Variants in ZDHHC4 observed in about 807,000 individuals in gnomAD.
ZDHHC4 encodes the protein palmitoyltransferase ZDHHC4.
ZDHHC4 carries 42 observed loss-of-function variants against 36.7 expected under a neutral mutation model. That is an observed-to-expected ratio of 1.14 (90% CI 0.89 to 1.48). The LOEUF is 1.48. Ranked by LOEUF, ZDHHC4 falls within the 40% of genes most tolerant of loss-of-function variation. The probability of loss-of-function intolerance (pLI) is 0.00; values close to 1 mark genes in which losing one functional copy is unlikely to be tolerated. For synonymous variants in ZDHHC4, 189 were observed against 166.6 expected (o/e 1.13, Z -1.03); for missense variants, 457 against 421.5 (o/e 1.08, Z -0.74).
At chr7:6,588,101 GT>G (rs1259199976) in intron 7 of ZDHHC4, among the ~76,000 whole-genome samples, 1 of 152,170 alleles carries the variant, frequency 6.6e-6, no homozygotes, top group East Asian at 1.9e-4. Flanking sequence ...CTGACCTCAA[GT>G]GATCTGCCCG....
In ZDHHC4 at chr7:6,585,028, G is replaced by A; in HGVS notation, c.509G>A (p.Trp170Ter). Reference sequence around the variant, plus strand: ...TGTTTCTGTGCAGGTGTGTGTAACTGGTGTGTGCACCGTTTCGACCATCAC... The same window carrying A: ...TGTTTCTGTGCAGGTGTGTGTAACTAGTGTGTGCACCGTTTCGACCATCAC... Reference protein sequence around the residue: ...ARSKHCSVCNWCVHRFDHHCV... With the variant: ...ARSKHCSVCN The change falls in exon 7 of 8, where the codon TGG becomes TAG. Residue 170 changes from tryptophan (W) to a stop codon, truncating the protein, a stop_gained. Transcript: ENST00000335965. LOFTEE classifies it high-confidence loss of function. The A allele has an allele frequency of 6.2e-7, 1 of 1,614,122 alleles. No individual in the cohort carries two copies. The highest frequency in any genetic ancestry group is 8.5e-7 in the Non-Finnish European group (1 of 1,180,018).
rs1223305075 is a variant in ZDHHC4, at chr7:6,587,918, T to TGCGCCTAG, written c.742-697_742-696insGCCTAGGC. Among the ~76,000 whole-genome samples the TGCGCCTAG allele has an allele frequency of 3.3e-5, 5 of 152,192 alleles. No homozygotes were observed. The South Asian group carries it at 1.0e-3, about 32-fold the overall frequency. On this transcript the variant is annotated intron_variant, in intron 7 of 7. Transcript: ENST00000335965. ...TCTTGCTCTGTCGCCTAGGCTGGAGTGCAGTTGCACAATCTCAGCTCACTG... is the reference window on the plus strand; with the variant it reads ...TCTTGCTCTGTCGCCTAGGCTGGAGTGCGCCTAGGCAGTTGCACAATCTCAGCTCACTG...
intron 5 of ZDHHC4, 22 bp from the exon 6 acceptor site, chr7:6,583,284 C>T: frequency 1.2e-6 from 2 of 1,612,952 alleles, no homozygotes; most frequent in South Asian, 1.1e-5. Flanking sequence ...ACGAAACTGA[C>T]ATATGTCCTT....
chr7:6,588,013 G>T (rs374756069), intron 7 of ZDHHC4, among the ~76,000 whole-genome samples: 1 of 152,154 alleles, frequency 6.6e-6, no homozygotes, highest in South Asian at 2.1e-4. Flanking sequence ...TTACAGGCTT[G>T]TGCCACCACA....
intron 2 of ZDHHC4, among the ~76,000 whole-genome samples, chr7:6,579,491 C>T (rs1175769821): frequency 2.0e-5 from 3 of 152,214 alleles, no homozygotes; most frequent in Non-Finnish European, 2.9e-5. Flanking sequence ...TGAGCCACCA[C>T]GCTCGGCCTC....
chr7:6,583,227 G>A (rs931493388), intron 5 of ZDHHC4, 79 bp from the exon 6 acceptor site: 42 of 1,456,718 alleles, frequency 2.9e-5, no homozygotes, highest in Middle Eastern at 2.2e-4. Context: ...AGTTTCAGTT[G>A]TGTTTTATCA....
rs1781141075 is a variant in ZDHHC4, at chr7:6,585,065, G to A, written c.546G>A (p.Val182=). ...GTTTCGACCATCACTGTGTTTGGGTGAACAACTGCATCGGGGCCTGGAACA... is the reference window on the plus strand; with the variant it reads ...GTTTCGACCATCACTGTGTTTGGGTAAACAACTGCATCGGGGCCTGGAACA... ...VHRFDHHCVW[V]NNCIGAWNIR... Residue 182 remains valine (V), a synonymous_variant, in exon 7 of 8, where the codon GTG becomes GTA. Transcript: ENST00000335965. 2 of 1,614,136 alleles carry A rather than the reference G, an allele frequency of 1.2e-6. No individual in the cohort carries two copies. Among genetic ancestry groups the A allele is most frequent in the Non-Finnish European group, 1.7e-6 (2 of 1,180,028 alleles).
Position 6,589,075 on chromosome 7 carries a change from G to C in ZDHHC4, c.*165G>C. On this transcript the variant is annotated 3_prime_UTR_variant, in exon 8 of 8. Coordinates refer to ENST00000335965, the MANE Select transcript of ZDHHC4 (RefSeq NM_001134389.2). The stretch of plus-strand genomic sequence containing the variant: ...GGGTGTTGACTGAGGAATCCCCCTT[G>C]CTTGTCTTCTTTTGAAACCGGGCAT... 4 of 836,748 alleles carry C rather than the reference G, an allele frequency of 4.8e-6. No individual in the cohort carries two copies. Among genetic ancestry groups the C allele is most frequent in the Non-Finnish European group, 7.3e-6 (4 of 547,622 alleles). The allele number at this position is 836,748 out of a possible 1,614,324, so 51.8% of individuals were successfully genotyped here.
chr7:6,586,781 T>C (rs1269306340), intron 7 of ZDHHC4, among the ~76,000 whole-genome samples: 1 of 152,116 alleles, frequency 6.6e-6, no homozygotes, highest in Non-Finnish European at 1.5e-5. Context: ...CGGCCTTACT[T>C]CATTCTTTTT....
At chr7:6,577,890 T>A (rs1422393625) in intron 1 of ZDHHC4, among the ~76,000 whole-genome samples, 1 of 152,212 alleles carries the variant, frequency 6.6e-6, no homozygotes, top group Non-Finnish European at 1.5e-5. Context: ...TGTAGTGCAG[T>A]GGCGCGATCT....
At chr7:6,583,684 C>A (rs1387760688) in intron 6 of ZDHHC4, 3 of 391,662 alleles carry the variant, frequency 7.7e-6, no homozygotes, top group Non-Finnish European at 9.0e-6. Flanking sequence ...ACATGCTCCC[C>A]ACAAGTTGTT....
intron 2 of ZDHHC4, among the ~76,000 whole-genome samples, chr7:6,579,205 CT>C (rs1202827177): frequency 1.0e-3 from 144 of 138,250 alleles, no homozygotes; most frequent in Admixed American, 1.4e-3. Context: ...AGTGTCTTTT[CT>C]TTTTTTTTTT....
At position 6,588,917 on chromosome 7, in the gene ZDHHC4, T is replaced by C. The variant is rs1313278193; in HGVS notation, c.*7T>C. 1 of 1,599,812 alleles carries C rather than the reference T, an allele frequency of 6.3e-7. No homozygotes were observed. Among genetic ancestry groups the C allele is most frequent in the African/African-American group, 1.3e-5 (1 of 74,676 alleles). On this transcript the variant is annotated 3_prime_UTR_variant, in exon 8 of 8. Coordinates refer to ENST00000335965, the MANE Select transcript of ZDHHC4 (RefSeq NM_001134389.2). The stretch of plus-strand genomic sequence containing the variant: ...GAGGAAGAAACAAGAATGACAAGTG[T>C]ATGACTGCCTTTGAGCTGTAGTTCC...
At chr7:6,581,116 C>T (rs1056465573) in intron 3 of ZDHHC4, 6 of 242,796 alleles carry the variant, frequency 2.5e-5, no homozygotes, top group East Asian at 1.2e-4. Context: ...GAGCAGGGTC[C>T]GCCTGGGGCA....
At chr7:6,578,536 T>C (rs1162387390) in intron 1 of ZDHHC4, 30 bp from the exon 2 acceptor site, 1 of 152,272 alleles carries the variant, frequency 6.6e-6, no homozygotes, top group African/African-American at 2.4e-5. Flanking sequence ...TGTCGTCTTA[T>C]GTGGGTGTTG....
At chr7:6,588,310 A>G (rs1781394540) in intron 7 of ZDHHC4, among the ~76,000 whole-genome samples, 1 of 152,234 alleles carries the variant, frequency 6.6e-6, no homozygotes, top group Non-Finnish European at 1.5e-5. Flanking sequence ...TCTGGATTTT[A>G]TATTGATGAA....
chr7:6,579,324 CT>C lies in ZDHHC4; in HGVS notation c.-8+605del, dbSNP rs1780676223. Among the ~76,000 whole-genome samples, 3 of 152,156 alleles carry C rather than the reference CT, an allele frequency of 2.0e-5. No homozygotes were observed. In the South Asian group the frequency reaches 6.2e-4, roughly 32 times the overall value. On this transcript the variant is annotated intron_variant, in intron 2 of 7. Coordinates refer to ENST00000335965, the MANE Select transcript of ZDHHC4 (RefSeq NM_001134389.2). ...CAAGAGATTCTCCTGCCTCCACCCC[CT>C]GAGTCGCTGGGATTACAGGCATGTG...
At chr7:6,586,084 C>T (rs568010090) in intron 7 of ZDHHC4, among the ~76,000 whole-genome samples, 4 of 150,468 alleles carry the variant, frequency 2.7e-5, no homozygotes, top group Non-Finnish European at 5.9e-5. Context: ...ACCTGGGAGG[C>T]GGAGGTTGCA....
chr7:6,589,004 T>C lies in ZDHHC4; in HGVS notation c.*94T>C, dbSNP rs1781477853. Reference sequence around the variant, plus strand: ...ATGGCTTGTTTGTTTTGATTTCTGCTGTGCTTATAAATCACTTTCGGTGGG... The same window carrying C: ...ATGGCTTGTTTGTTTTGATTTCTGCCGTGCTTATAAATCACTTTCGGTGGG... On this transcript the variant is annotated 3_prime_UTR_variant, in exon 8 of 8. Transcript: ENST00000335965. 1 of 1,477,594 alleles carries C rather than the reference T, an allele frequency of 6.8e-7. No homozygotes were observed. The highest frequency in any genetic ancestry group is 1.3e-5 in the South Asian group (1 of 77,934). The allele number at this position is 1,477,594 out of a possible 1,614,324, so 91.5% of individuals were successfully genotyped here. A position where few individuals can be genotyped will look rare whatever the true frequency, so the allele number is the denominator to read the frequency against.
Sources: gnomAD v4.1 joint callset for allele counts (sites outside exome capture counted in the v4.1 genomes callset) on GRCh38, gnomAD v4.1.1 for gene constraint, MANE v1.5 for transcripts, NCBI Gene and HGNC (gene_info 2026-07-23, HGNC 2026-07-21) for gene names.